Variants in UBAC1 observed in about 807,000 individuals in gnomAD.
UBAC1 encodes UBA domain containing 1, also known as ubiquitin-associated domain-containing protein 1.
In UBAC1, 27 loss-of-function variants were observed where a neutral mutation model predicts 45.9. The observed-to-expected ratio is 0.59, with a 90% CI of 0.43 to 0.81. The LOEUF is 0.81. UBAC1 is among the 30% of genes least tolerant of loss of function. The pLI is 0.00. For missense variants in UBAC1, 529 were observed against 539.2 expected (o/e 0.98, Z 0.19); for synonymous variants, 227 against 215.5 (o/e 1.05, Z -0.47).
At chr9:135,945,756 C>A (rs751290448) in intron 6 of UBAC1, 133 bp downstream of exon 6, 47 of 666,514 alleles carry the variant, frequency 7.1e-5, no homozygotes, top group Non-Finnish European at 1.1e-4. Flanking sequence ...ATTTAAGGTA[C>A]CTCTTCAAAA....
In UBAC1 at chr9:135,940,497, A is replaced by G. The variant is rs919105546; in HGVS notation, c.877-738T>C. ...CGGGAGGCTGAGGCAGGAGAATGGC[A>G]TGAACCTGGAAGGCGGAGCTTGCAG... On this transcript the variant is annotated intron_variant, in intron 7 of 9. Coordinates refer to ENST00000371756, the MANE Select transcript of UBAC1 (RefSeq NM_016172.3). Among the ~76,000 whole-genome samples, 10 of 151,400 alleles carry G rather than the reference A, an allele frequency of 6.6e-5. No individual in the cohort carries two copies. The East Asian group carries it at 9.8e-4, about 15-fold the overall frequency.
rs779745711 is a variant in UBAC1 at position 135,933,381 on chromosome 9, C to G, written c.*19G>C. 1 of 1,608,394 alleles carries G rather than the reference C, an allele frequency of 6.2e-7. No individual in the cohort carries two copies. The highest frequency in any genetic ancestry group is 1.1e-5 in the South Asian group (1 of 90,954). ...CCAGGGGGCTGCTGTGGCCTGATAG[C>G]CGAGTGGAACAACGCCACCTACGTG... is the stretch of plus-strand genomic sequence containing the variant. On this transcript the variant is annotated 3_prime_UTR_variant, in exon 10 of 10. Coordinates refer to ENST00000371756, the MANE Select transcript of UBAC1 (RefSeq NM_016172.3).
At chr9:135,945,590 G>C in intron 6 of UBAC1, 2 of 529,830 alleles carry the variant, frequency 3.8e-6, no homozygotes, top group Non-Finnish European at 6.7e-6. Context: ...CACAGAAGCA[G>C]GGCAAGTAAC....
At chr9:135,948,088 G>C in intron 3 of UBAC1, 183 bp from the exon 4 acceptor site, 1 of 580,676 alleles carries the variant, frequency 1.7e-6, no homozygotes. Context: ...GACAGCAGAC[G>C]TGTCCTCAGC....
intron 1 of UBAC1, among the ~76,000 whole-genome samples, chr9:135,960,230 C>G (rs1281745972): frequency 6.6e-6 from 1 of 152,206 alleles, no homozygotes; most frequent in African/African-American, 2.4e-5. Flanking sequence ...AGACAGGCTT[C>G]TTAGCTGACC....
chr9:135,947,645 G>A, intron 4 of UBAC1, 153 bp downstream of exon 4: 1 of 503,020 alleles, frequency 2.0e-6, no homozygotes, highest in East Asian at 3.4e-5. Flanking sequence ...CAGAAAAAAT[G>A]CAAAATAGTG....
intron 7 of UBAC1, among the ~76,000 whole-genome samples, chr9:135,942,713 C>T (rs191256647): frequency 1.8e-3 from 272 of 151,760 alleles, no homozygotes; most frequent in Non-Finnish European, 2.4e-3. Context: ...AAGGGATATC[C>T]ACAAGTGAGA....
rs780192015 is a variant in UBAC1, at chr9:135,938,216, A to C, written c.1102+6T>G. The C allele has an allele frequency of 2.5e-6, 4 of 1,613,518 alleles. No homozygotes were observed. The African/African-American group carries it at 5.3e-5, about 22-fold the overall frequency. ...CCGAGACTTAGCATAAAGAAGGCGCACATACCTAGCAATGTTTTCGGGTTG... is the reference window on the plus strand; with the variant it reads ...CCGAGACTTAGCATAAAGAAGGCGCCCATACCTAGCAATGTTTTCGGGTTG... On this transcript the variant is annotated splice_donor_region_variant and intron_variant, in intron 9 of 9. Transcript: ENST00000371756.
Position 135,961,073 on chromosome 9 carries a change from G to A in UBAC1, c.90C>T (p.Ala30=), listed in dbSNP as rs748772114. 2 of 1,583,608 alleles carry A rather than the reference G, an allele frequency of 1.3e-6. No homozygotes were observed. The highest frequency in any genetic ancestry group is 1.4e-5 in the African/African-American group (1 of 72,338). ...ASDGAEWLEE[A]TEDTSVEKLK... ...GCTTCTCCACCGAGGTGTCCTCGGT[G>A]GCCTCCTCCAGCCACTCGGCGCCGT... Residue 30 remains alanine, a synonymous_variant, in exon 1 of 10, where the codon GCC becomes GCT. Transcript: ENST00000371756.
intron 7 of UBAC1, among the ~76,000 whole-genome samples, chr9:135,943,999 A>G (rs1182664193): frequency 6.6e-6 from 1 of 152,198 alleles, no homozygotes; most frequent in Non-Finnish European, 1.5e-5. Context: ...AGCATCATGA[A>G]AAATAGCTAG....
intron 3 of UBAC1, among the ~76,000 whole-genome samples, chr9:135,950,961 C>T (rs1839400064): frequency 6.6e-6 from 1 of 152,084 alleles, no homozygotes; most frequent in South Asian, 2.1e-4. Context: ...GGTGTGGTGG[C>T]ACACACCTAT....
At chr9:135,959,699 A>C (rs1362263033) in intron 1 of UBAC1, among the ~76,000 whole-genome samples, 1 of 152,084 alleles carries the variant, frequency 6.6e-6, no homozygotes, top group Non-Finnish European at 1.5e-5. Flanking sequence ...AATACACACA[A>C]CTAGACAAGC....
At chr9:135,954,860 G>C (rs530994623) in intron 2 of UBAC1, among the ~76,000 whole-genome samples, 10 of 152,148 alleles carry the variant, frequency 6.6e-5, no homozygotes, top group Admixed American at 1.3e-4. Context: ...ACAATTAAAG[G>C]CATTATTTGA....
rs1434718207 is a variant in UBAC1, at chr9:135,961,174, C to T, written c.-12G>A. On this transcript the variant is annotated 5_prime_UTR_variant, in exon 1 of 10. Coordinates refer to ENST00000371756, the MANE Select transcript of UBAC1 (RefSeq NM_016172.3). Reference sequence around the variant, plus strand: ...TCCTGCACGAACATCCCGCCGCCGCCGCAGGGGCCTGCGCCCGCCACCCGG... The same window carrying T: ...TCCTGCACGAACATCCCGCCGCCGCTGCAGGGGCCTGCGCCCGCCACCCGG... 6 of 1,531,292 alleles carry T rather than the reference C, an allele frequency of 3.9e-6. No individual in the cohort carries two copies. Among genetic ancestry groups the T allele is most frequent in the South Asian group, 2.4e-5 (2 of 83,300 alleles). The allele number at this position is 1,531,292 out of a possible 1,614,324, so 94.9% of individuals were successfully genotyped here.
intron 7 of UBAC1, among the ~76,000 whole-genome samples, chr9:135,944,148 CAAAG>C (rs1564196148): frequency 6.6e-6 from 1 of 152,158 alleles, no homozygotes; most frequent in African/African-American, 2.4e-5. Flanking sequence ...TTAAAAGAAA[CAAAG>C]AAAAGCATTT....
Position 135,953,037 on chromosome 9 carries a change from G to A in UBAC1, c.333+643C>T, listed in dbSNP as rs183864876. Among the ~76,000 whole-genome samples the A allele has an allele frequency of 1.3e-3, 191 of 152,288 alleles. 3 individuals are homozygous for A. Among genetic ancestry groups the A allele is most frequent in the Non-Finnish European group, 4.7e-4 (32 of 68,026 alleles). On this transcript the variant is annotated intron_variant, in intron 3 of 9. Transcript: ENST00000371756. ...GGACTGACTTGGCTGCTTGAAAAGA[G>A]GAGGGAACAGGAGCACACGCAGGTG... is the stretch of plus-strand genomic sequence containing the variant.
intron 9 of UBAC1, among the ~76,000 whole-genome samples, chr9:135,934,552 C>T (rs1280238245): frequency 2.0e-5 from 3 of 152,118 alleles, no homozygotes; most frequent in Non-Finnish European, 2.9e-5. Context: ...CCCAGCTACT[C>T]GGAAGGCTGA....
chr9:135,960,786 C>A (rs988417089), intron 1 of UBAC1, among the ~76,000 whole-genome samples: 2 of 152,238 alleles, frequency 1.3e-5, no homozygotes, highest in African/African-American at 4.8e-5. Flanking sequence ...CGCTTAGTGA[C>A]CGGAGTCCGC....
Position 135,953,819 on chromosome 9 carries a change from G to T in UBAC1, c.260-66C>A, listed in dbSNP as rs1381041017. ...CTTCATATCCACAAAATGGCATAAAGGGTGCTGGATGCCCTGAGAACAGAA... is the reference window on the plus strand; with the variant it reads ...CTTCATATCCACAAAATGGCATAAATGGTGCTGGATGCCCTGAGAACAGAA... On this transcript the variant is annotated intron_variant, in intron 2 of 9. Coordinates refer to ENST00000371756, the MANE Select transcript of UBAC1 (RefSeq NM_016172.3). 4.1e-6 allele frequency: 6 copies of T among 1,463,852 alleles called. No individual in the cohort carries two copies. The African/African-American group carries it at 5.6e-5, about 14-fold the overall frequency. 90.7% of individuals were successfully genotyped at this position (1,463,852 alleles called of 1,614,324 possible).
Sources: allele counts gnomAD v4.1 joint callset (sites outside exome capture counted in the v4.1 genomes callset), GRCh38; gene constraint gnomAD v4.1.1; transcripts MANE v1.5; gene names NCBI Gene and HGNC (gene_info 2026-07-23, HGNC 2026-07-21).